Variants in GREB1L observed in about 807,000 individuals in gnomAD.
GREB1L encodes GREB1 like retinoic acid receptor coactivator, also known as GREB1-like protein.
In GREB1L, 17 loss-of-function variants were observed where a neutral mutation model predicts 200.8. The ratio of observed to expected loss-of-function variants is 0.08; its 90% confidence interval spans 0.06 to 0.13. The LOEUF is 0.13. GREB1L is among the 10% of genes least tolerant of loss of function. The pLI is 1.00. For synonymous variants in GREB1L, 789 were observed against 893.0 expected, an observed-to-expected ratio of 0.88 and a Z score of 2.08; for missense variants, 1,657 against 2,367.7, an observed-to-expected ratio of 0.70 and a Z score of 6.23.
At chr18:21,253,088 G>A (rs1261595490) in intron 1 of GREB1L, among the ~76,000 whole-genome samples, 1 of 152,026 alleles carries the variant, frequency 6.6e-6, no homozygotes, top group Non-Finnish European at 1.5e-5. Flanking sequence ...GGATTTTAGA[G>A]CCATAGATCA....
At chr18:21,497,880 G>A (rs1255769053) in intron 21 of GREB1L, among the ~76,000 whole-genome samples, 14 of 133,924 alleles carry the variant, frequency 1.0e-4, no homozygotes, top group African/African-American at 3.4e-4. Flanking sequence ...AGAGTGCAGT[G>A]GCACGATCTC....
chr18:21,280,977 T>G (rs1350212559), intron 1 of GREB1L, among the ~76,000 whole-genome samples: 1 of 152,024 alleles, frequency 6.6e-6, no homozygotes, highest in Non-Finnish European at 1.5e-5. Flanking sequence ...GGAAAAGAGG[T>G]CTGGAGGTAG....
intron 15 of GREB1L, 27 bp from the exon 16 acceptor site, chr18:21,473,004 A>C: frequency 2.7e-6 from 4 of 1,486,798 alleles, no homozygotes; most frequent in Non-Finnish European, 3.6e-6. Context: ...AAGTGTGTTA[A>C]AAGATGAACT....
chr18:21,244,112 A>G (rs982931860), intron 1 of GREB1L, among the ~76,000 whole-genome samples: 1 of 152,228 alleles, frequency 6.6e-6, no homozygotes, highest in Non-Finnish European at 1.5e-5. Context: ...GACAATTATT[A>G]CCTTGAAGAT....
At chr18:21,325,671 G>A (rs185900752) in intron 1 of GREB1L, among the ~76,000 whole-genome samples, 123 of 151,770 alleles carry the variant, frequency 8.1e-4, no homozygotes, top group African/African-American at 2.9e-3. Context: ...AAAATTAGCC[G>A]GGTGAGGTGG....
chr18:21,512,149 T>G (rs1240815330), intron 27 of GREB1L, among the ~76,000 whole-genome samples: 2 of 152,214 alleles, frequency 1.3e-5, no homozygotes, highest in South Asian at 2.1e-4. Flanking sequence ...TTGCCTCTCT[T>G]TCAAGATTGT....
In GREB1L at chr18:21,322,146, A is replaced by G. The variant is rs370496503; in HGVS notation, c.-119-43881A>G. 7.8e-4 allele frequency among the ~76,000 whole-genome samples: 119 copies of G among 152,374 alleles called. 2 individuals carry two copies. Among genetic ancestry groups the G allele is most frequent in the African/African-American group, 2.8e-3 (116 of 41,592 alleles). ...CAGAATTCAGAAGGTGGCTGGATGT[A>G]TAATTTAAATGTGAAAGTAAGTAGC... On this transcript the variant is annotated intron_variant, in intron 1 of 32. Coordinates refer to ENST00000424526, the MANE Select transcript of GREB1L (RefSeq NM_001142966.3).
intron 28 of GREB1L, among the ~76,000 whole-genome samples, chr18:21,514,522 CAAAAAT>C (rs770965793): frequency 1.2e-4 from 18 of 152,172 alleles, no homozygotes; most frequent in Non-Finnish European, 2.1e-4. Context: ...CTCAAAAAAA[CAAAAAT>C]AAAGTCTGTT....
intron 1 of GREB1L, among the ~76,000 whole-genome samples, chr18:21,272,306 C>T (rs116094757): frequency 0.015 from 2,255 of 152,288 alleles, 59 homozygotes; most frequent in African/African-American, 0.051. Context: ...CAACTCTTAA[C>T]TGTCTTGTCC....
intron 4 of GREB1L, among the ~76,000 whole-genome samples, chr18:21,393,091 T>C (rs1402926857): frequency 6.6e-6 from 1 of 152,036 alleles, no homozygotes; most frequent in Non-Finnish European, 1.5e-5. Flanking sequence ...GTTTTCATGG[T>C]GTTTTCTTTT....
chr18:21,386,145 A>G (rs1280908970), intron 4 of GREB1L, among the ~76,000 whole-genome samples: 1 of 152,216 alleles, frequency 6.6e-6, no homozygotes. Context: ...AAACAATTCA[A>G]AAACACTAGT....
intron 1 of GREB1L, among the ~76,000 whole-genome samples, chr18:21,304,893 T>C (rs998032230): frequency 1.3e-5 from 2 of 152,154 alleles, no homozygotes; most frequent in African/African-American, 4.8e-5. Context: ...TTCTTCCTGT[T>C]GTTCAAGTCT....
At chr18:21,520,338 CA>C (rs2146127132) in intron 31 of GREB1L, among the ~76,000 whole-genome samples, 1 of 152,310 alleles carries the variant, frequency 6.6e-6, no homozygotes, top group Admixed American at 6.5e-5. Flanking sequence ...TAAGGCAATC[CA>C]AACATTTAAT....
rs747354969 is a variant in GREB1L, at chr18:21,384,207, T to C, written c.159T>C (p.Asp53=). ...DPDQHPFSSA[D]VKPKVEDLDK... ...GCTGTGATTTATTTGCTTACCCAGA[T>C]GTCAAACCCAAGGTGGAGGATCTGG... Residue 53 remains aspartate, a splice_region_variant and synonymous_variant, in exon 4 of 33, where the codon GAT becomes GAC. Transcript: ENST00000424526. 20 of 1,544,362 alleles carry C rather than the reference T, an allele frequency of 1.3e-5. No individual in the cohort carries two copies. In the Admixed American group the frequency reaches 3.5e-4, roughly 27 times the overall value.
intron 7 of GREB1L, among the ~76,000 whole-genome samples, chr18:21,425,902 A>T (rs1342285353): frequency 6.6e-6 from 1 of 152,080 alleles, no homozygotes; most frequent in Non-Finnish European, 1.5e-5. Context: ...AGACTAATTC[A>T]TGTATATTTT....
intron 23 of GREB1L, among the ~76,000 whole-genome samples, chr18:21,504,679 G>A (rs558717621): frequency 6.6e-6 from 1 of 152,216 alleles, no homozygotes; most frequent in African/African-American, 2.4e-5. Context: ...CTACAAAAAC[G>A]TTAGCTGGGC....
At chr18:21,378,444 G>C (rs2040165704) in intron 2 of GREB1L, among the ~76,000 whole-genome samples, 1 of 151,818 alleles carries the variant, frequency 6.6e-6, no homozygotes, top group Admixed American at 6.6e-5. Flanking sequence ...CTGGAGTGCA[G>C]CAGCGCCATC....
At chr18:21,478,435 T>C (rs1002760607) in intron 17 of GREB1L, among the ~76,000 whole-genome samples, 2 of 152,172 alleles carry the variant, frequency 1.3e-5, no homozygotes, top group Admixed American at 1.3e-4. Flanking sequence ...ACACACTGGA[T>C]ATTTTAAAAT....
intron 1 of GREB1L, among the ~76,000 whole-genome samples, chr18:21,248,661 T>C (rs1219715561): frequency 1.3e-5 from 2 of 152,260 alleles, no homozygotes; most frequent in Non-Finnish European, 2.9e-5. Flanking sequence ...TTACAACTTT[T>C]CTGGGGAGTA....
Sources: allele counts gnomAD v4.1 joint callset (sites outside exome capture counted in the v4.1 genomes callset), GRCh38; gene constraint gnomAD v4.1.1; transcripts MANE v1.5; gene names NCBI Gene and HGNC (gene_info 2026-07-23, HGNC 2026-07-21).